Variants in ARHGAP28 observed in about 807,000 individuals in gnomAD.
ARHGAP28 encodes Rho GTPase activating protein 28, also known as rho GTPase-activating protein 28.
Under a neutral mutation model 90.7 loss-of-function variants are expected in ARHGAP28, and 56 were observed. That is an observed-to-expected ratio of 0.62 (90% CI 0.50 to 0.77). ARHGAP28 has a LOEUF of 0.77. Ranked by LOEUF, ARHGAP28 falls within the 30% of genes least tolerant of loss-of-function variation. The pLI is 0.00. For missense variants in ARHGAP28, 869 were observed against 900.9 expected, an observed-to-expected ratio of 0.96 and a Z score of 0.45; for synonymous variants, 308 against 323.3, an observed-to-expected ratio of 0.95 and a Z score of 0.51.
At chr18:6,873,948 C>T (rs182288911) in intron 9 of ARHGAP28, among the ~76,000 whole-genome samples, 173 bp downstream of exon 9, 162 of 152,330 alleles carry the variant, frequency 1.1e-3, no homozygotes, top group Middle Eastern at 3.4e-3. Flanking sequence ...CGGCCCATGG[C>T]GCCTGGGCCA....
At chr18:6,905,819 G>A (rs1211659628) in intron 16 of ARHGAP28, among the ~76,000 whole-genome samples, 1 of 151,980 alleles carries the variant, frequency 6.6e-6, no homozygotes, top group Admixed American at 6.6e-5. Context: ...AAATACTTAA[G>A]TATAAACTTA....
chr18:6,805,396 G>GT (rs766984970), intron 1 of ARHGAP28, among the ~76,000 whole-genome samples: 16 of 149,330 alleles, frequency 1.1e-4, no homozygotes, highest in East Asian at 6.0e-4. Flanking sequence ...GCATGGCATG[G>GT]TTTTTTTATC....
At chr18:6,830,767 C>A (rs2056709264) in intron 2 of ARHGAP28, among the ~76,000 whole-genome samples, 3 of 152,162 alleles carry the variant, frequency 2.0e-5, no homozygotes. Context: ...TTTAAGACTT[C>A]AACATACGTT....
Position 6,837,210 on chromosome 18 carries a change from A to G in ARHGAP28, c.339A>G (p.Glu113=). Residue 113 remains glutamate, a synonymous_variant, in exon 3 of 18, where the codon GAA becomes GAG. Coordinates refer to ENST00000383472, the MANE Select transcript of ARHGAP28 (RefSeq NM_001366230.1). Reference sequence around the variant, plus strand: ...GTTCTTTCACAGAAGGAGAACTTGAAGCAGAATGGCTGCAAGATGTGGGTT... The same window carrying G: ...GTTCTTTCACAGAAGGAGAACTTGAGGCAGAATGGCTGCAAGATGTGGGTT... The part of the protein sequence containing the change: ...EVTPVDEGEL[E]AEWLQDVGLS... 6.4e-7 allele frequency: 1 copy of G among 1,551,972 alleles called. No homozygotes were observed. The highest frequency in any genetic ancestry group is 8.7e-7 in the Non-Finnish European group (1 of 1,151,460).
chr18:6,905,666 A>G (rs1296309842), intron 16 of ARHGAP28, among the ~76,000 whole-genome samples: 1 of 152,204 alleles, frequency 6.6e-6, no homozygotes, highest in Non-Finnish European at 1.5e-5. Flanking sequence ...AAAAATTTAA[A>G]AAGACCTAGA....
At chr18:6,771,531 C>T (rs748902080) in intron 1 of ARHGAP28, among the ~76,000 whole-genome samples, 1 of 152,166 alleles carries the variant, frequency 6.6e-6, no homozygotes, top group African/African-American at 2.4e-5. Context: ...TCCACATGAT[C>T]TTTTGAGATT....
chr18:6,858,869 T>TA (rs11443979), intron 4 of ARHGAP28, among the ~76,000 whole-genome samples: 27,457 of 144,680 alleles, frequency 0.19, 4,235 homozygotes, highest in African/African-American at 0.42. Flanking sequence ...TTTGTTTCTT[T>TA]AAAAAAAAAA....
At chr18:6,771,847 A>G (rs1291477648) in intron 1 of ARHGAP28, among the ~76,000 whole-genome samples, 2 of 152,216 alleles carry the variant, frequency 1.3e-5, no homozygotes, top group Non-Finnish European at 1.5e-5. Context: ...AGTTAGATAA[A>G]AGGTTAGGAC....
In ARHGAP28 at chr18:6,841,190, TCTCTCTCTCTCTC is replaced by T. The variant is rs1487144071; in HGVS notation, c.543+3782_543+3794del. Among the ~76,000 whole-genome samples the T allele has an allele frequency of 4.7e-4, 31 of 66,532 alleles. 1 individual carries two copies. Among genetic ancestry groups the T allele is most frequent in the African/African-American group, 1.9e-3 (23 of 12,194 alleles). 43.6% of individuals were successfully genotyped at this position (66,532 alleles called of 152,430 possible). On this transcript the variant is annotated intron_variant, in intron 3 of 17. Coordinates refer to ENST00000383472, the MANE Select transcript of ARHGAP28 (RefSeq NM_001366230.1). ...CTCCTCTCTCTCTCTCCTCTCTCTCTCTCTCTCTCTCTCCTCTCCTCTCTCTCTCTCTCCCCCC... is the reference window on the plus strand; with the variant it reads ...CTCCTCTCTCTCTCTCCTCTCTCTCTCTCTCCTCTCTCTCTCTCTCCCCCC...
chr18:6,832,235 T>C (rs555510322), intron 2 of ARHGAP28, among the ~76,000 whole-genome samples: 37 of 152,184 alleles, frequency 2.4e-4, no homozygotes, highest in African/African-American at 8.9e-4. Context: ...TTTCTAGACA[T>C]GTTGTTATTG....
Position 6,794,767 on chromosome 18 carries a change from C to T in ARHGAP28, c.123-29995C>T, listed in dbSNP as rs185034489. The stretch of plus-strand genomic sequence containing the variant: ...CACAGATCATAGCTCACTGCAGCCT[C>T]GACCTCCTGGGCTCAAGCAATCCTC... On this transcript the variant is annotated intron_variant, in intron 1 of 17. Transcript: ENST00000383472. Among the ~76,000 whole-genome samples the T allele has an allele frequency of 5.9e-3, 896 of 152,230 alleles. 10 individuals carry two copies. Among genetic ancestry groups the T allele is most frequent in the African/African-American group, 0.021 (859 of 41,548 alleles).
chr18:6,766,830 C>T (rs1479157021), intron 1 of ARHGAP28, among the ~76,000 whole-genome samples: 1 of 152,166 alleles, frequency 6.6e-6, no homozygotes, highest in Admixed American at 6.5e-5. Context: ...TCATGCAGGA[C>T]CCAAGCTGCC....
intron 1 of ARHGAP28, among the ~76,000 whole-genome samples, chr18:6,738,282 T>C (rs1436782835): frequency 6.6e-6 from 1 of 152,078 alleles, no homozygotes; most frequent in Non-Finnish European, 1.5e-5. Context: ...GCCACAAATT[T>C]ACTTATATAC....
Position 6,912,214 on chromosome 18 carries a change from A to G in ARHGAP28, c.*60A>G. 1 of 1,054,598 alleles carries G rather than the reference A, an allele frequency of 9.5e-7. No individual in the cohort carries two copies. Among genetic ancestry groups the G allele is most frequent in the Non-Finnish European group, 1.4e-6 (1 of 713,694 alleles). The allele number at this position is 1,054,598 out of a possible 1,614,324, so 65.3% of individuals were successfully genotyped here. On this transcript the variant is annotated 3_prime_UTR_variant, in exon 18 of 18. Transcript: ENST00000383472. ...TGCCAAAAAGATCCTACATTTTGGT[A>G]GGGAAAAAACAACACTGTGTTTGAC...
At chr18:6,878,444 A>G (rs1236731847) in intron 10 of ARHGAP28, among the ~76,000 whole-genome samples, 2 of 151,838 alleles carry the variant, frequency 1.3e-5, no homozygotes, top group Non-Finnish European at 2.9e-5. Context: ...ATGTATACAT[A>G]TGTAACTAAC....
At chr18:6,886,426 G>T (rs2057221833) in intron 11 of ARHGAP28, among the ~76,000 whole-genome samples, 1 of 152,070 alleles carries the variant, frequency 6.6e-6, no homozygotes, top group Non-Finnish European at 1.5e-5. Flanking sequence ...CAACCCTCTG[G>T]CGCCATCTTG....
rs528539075 is a variant in ARHGAP28 at position 6,901,684 on chromosome 18, G to A, written c.2030+5058G>A. Among the ~76,000 whole-genome samples the A allele has an allele frequency of 3.3e-5, 5 of 152,152 alleles. No homozygotes were observed. In the South Asian group the frequency reaches 6.2e-4, roughly 19 times the overall value. On this transcript the variant is annotated intron_variant, in intron 16 of 17. Coordinates refer to ENST00000383472, the MANE Select transcript of ARHGAP28 (RefSeq NM_001366230.1). ...TGTCTGAGCAGTACTCCTTGAAACC[G>A]TTCAGGTCATCAAAACTAAGGCAAC...
In ARHGAP28 at chr18:6,872,382, A is replaced by G. The variant is rs958094921; in HGVS notation, c.955-1027A>G. The stretch of plus-strand genomic sequence containing the variant: ...CAAGGCATGCCCCAAGCCACATCCT[A>G]TATTTTGTTTCATTTTTAAATTCTT... On this transcript the variant is annotated intron_variant, in intron 7 of 17. Transcript: ENST00000383472. 7.2e-5 allele frequency among the ~76,000 whole-genome samples: 11 copies of G among 152,336 alleles called. 1 individual carries two copies. Among genetic ancestry groups the G allele is most frequent in the Admixed American group, 2.0e-4 (3 of 15,302 alleles).
chr18:6,743,566 A>G (rs2055997380), intron 1 of ARHGAP28, among the ~76,000 whole-genome samples: 1 of 152,222 alleles, frequency 6.6e-6, no homozygotes, highest in Non-Finnish European at 1.5e-5. Flanking sequence ...ACCTTTATTC[A>G]TAGGATAGTA....
Sources: allele counts gnomAD v4.1 joint callset (sites outside exome capture counted in the v4.1 genomes callset), GRCh38; gene constraint gnomAD v4.1.1; transcripts MANE v1.5; gene names NCBI Gene and HGNC (gene_info 2026-07-23, HGNC 2026-07-21).